The following PLA2G7 variants were observed in gnomAD, a reference collection of about 807,000 sequenced individuals.
The protein encoded by PLA2G7 is phospholipase A2 group VII, also known as platelet-activating factor acetylhydrolase.
PLA2G7 carries 63 observed loss-of-function variants against 49.6 expected under a neutral mutation model. That is an observed-to-expected ratio of 1.27 (90% CI 1.04 to 1.57). The LOEUF (loss-of-function observed/expected upper bound fraction) is 1.57. Ranked by LOEUF, PLA2G7 falls within the 40% of genes most tolerant of loss-of-function variation. The pLI, the probability that PLA2G7 is intolerant of heterozygous loss-of-function variation, is 0.00. For missense variants in PLA2G7, 596 were observed against 521.2 expected (o/e 1.14, Z -1.40); for synonymous variants, 193 against 169.9 (o/e 1.14, Z -1.06).
Position 46,720,313 on chromosome 6 carries a change from A to C in PLA2G7, c.109+2470T>G, listed in dbSNP as rs45628339. 2.7e-3 allele frequency among the ~76,000 whole-genome samples: 417 copies of C among 152,330 alleles called. 1 individual carries two copies. Among genetic ancestry groups the C allele is most frequent in the African/African-American group, 9.2e-3 (382 of 41,572 alleles). On this transcript the variant is annotated intron_variant, in intron 2 of 11. Coordinates refer to ENST00000274793, the MANE Select transcript of PLA2G7 (RefSeq NM_005084.4). ...TTGTGAGATCTCAATTCCAAAGGAC[A>C]GGGGAACATTTTCCAATAAGTTAGG...
chr6:46,731,659 A>G (rs1236909851), intron 1 of PLA2G7, among the ~76,000 whole-genome samples: 1 of 152,356 alleles, frequency 6.6e-6, no homozygotes, highest in East Asian at 1.9e-4. Flanking sequence ...ATAATATAAT[A>G]AGACATCAAA....
At chr6:46,729,602 A>G (rs935163489) in intron 1 of PLA2G7, among the ~76,000 whole-genome samples, 2 of 152,216 alleles carry the variant, frequency 1.3e-5, no homozygotes, top group South Asian at 2.1e-4. Flanking sequence ...CCAAGTTCAC[A>G]AGGATAGGAA....
intron 1 of PLA2G7, among the ~76,000 whole-genome samples, chr6:46,732,861 G>C (rs1449009585): frequency 6.6e-6 from 1 of 152,144 alleles, no homozygotes; most frequent in African/African-American, 2.4e-5. Flanking sequence ...TACAATTTTA[G>C]AACTGAATGT....
Position 46,722,917 on chromosome 6 carries a change from C to G in PLA2G7, c.-26G>C. On this transcript the variant is annotated 5_prime_UTR_variant, in exon 2 of 12. Coordinates refer to ENST00000274793, the MANE Select transcript of PLA2G7 (RefSeq NM_005084.4). ...CTTGGGAGCTGAGCAGCAGTTTCAGCTTAGTCTCCTTCGAAGCAGATGATT... is the reference window on the plus strand; with the variant it reads ...CTTGGGAGCTGAGCAGCAGTTTCAGGTTAGTCTCCTTCGAAGCAGATGATT... 1 of 1,306,564 alleles carries G rather than the reference C, an allele frequency of 7.7e-7. No individual in the cohort carries two copies. The highest frequency in any genetic ancestry group is 1.1e-6 in the Non-Finnish European group (1 of 900,976). 80.9% of individuals were successfully genotyped at this position (1,306,564 alleles called of 1,614,324 possible). A position where few individuals can be genotyped will look rare whatever the true frequency, so the allele number is the denominator to read the frequency against.
At position 46,715,132 on chromosome 6, in the gene PLA2G7, T is replaced by A. The variant is rs1305403199; in HGVS notation, c.377-579A>T. Among the ~76,000 whole-genome samples, 4 of 152,314 alleles carry A rather than the reference T, an allele frequency of 2.6e-5. No individual in the cohort carries two copies. The South Asian group carries it at 8.3e-4, about 32-fold the overall frequency. On this transcript the variant is annotated intron_variant, in intron 4 of 11. Transcript: ENST00000274793. Reference sequence around the variant, plus strand: ...ATTTTCCCACTTATAGGTGTATTCATAAAGGCTGCTACTTACTGCCATTCC... The same window carrying A: ...ATTTTCCCACTTATAGGTGTATTCAAAAAGGCTGCTACTTACTGCCATTCC...
At chr6:46,710,212 T>A (rs1430448839) in intron 8 of PLA2G7, among the ~76,000 whole-genome samples, 1 of 152,168 alleles carries the variant, frequency 6.6e-6, no homozygotes, top group South Asian at 2.1e-4. Context: ...CCCAAACTTG[T>A]GTCAAGTTTT....
At position 46,716,421 on chromosome 6, in the gene PLA2G7, T is replaced by C; in HGVS notation, c.339A>G (p.Thr113=). Reference sequence around the variant, plus strand: ...TCAAAATGTTGCCCATAAGCCAGTGTGTTCCAAGAAATTTGCTAAGACCCC... The same window carrying C: ...TCAAAATGTTGCCCATAAGCCAGTGCGTTCCAAGAAATTTGCTAAGACCCC... ...YFWGLSKFLG[T]HWLMGNILRL... Residue 113 remains threonine (T), a synonymous_variant, in exon 4 of 12, where the codon ACA becomes ACG. Transcript: ENST00000274793. The C allele has an allele frequency of 6.2e-7, 1 of 1,614,134 alleles. No individual in the cohort carries two copies. Among genetic ancestry groups the C allele is most frequent in the Non-Finnish European group, 8.5e-7 (1 of 1,179,988 alleles).
intron 1 of PLA2G7, among the ~76,000 whole-genome samples, chr6:46,726,190 G>A (rs1298779270): frequency 2.0e-5 from 3 of 152,120 alleles, no homozygotes; most frequent in South Asian, 4.1e-4. Context: ...TCCTGCCTTG[G>A]GCAGGTGAAA....
chr6:46,704,368 G>T lies in PLA2G7; in HGVS notation c.*192C>A. The T allele has an allele frequency of 3.4e-6, 2 of 580,114 alleles. No individual in the cohort carries two copies. The allele number at this position is 580,114 out of a possible 1,614,324, so 35.9% of individuals were successfully genotyped here. On this transcript the variant is annotated 3_prime_UTR_variant, in exon 12 of 12. Transcript: ENST00000274793. ...TACATCTAAAGGGAAAAAATTCTTA[G>T]TCCAAGCTTCAATCACGATTACAGT...
At chr6:46,708,746 A>G (rs931454582) in intron 9 of PLA2G7, among the ~76,000 whole-genome samples, 3 of 152,166 alleles carry the variant, frequency 2.0e-5, no homozygotes, top group Admixed American at 1.3e-4. Flanking sequence ...TTACACTGAA[A>G]TGGACTTTTA....
At chr6:46,716,583 C>A in intron 3 of PLA2G7, 55 bp from the exon 4 acceptor site, 1 of 1,578,336 alleles carries the variant, frequency 6.3e-7, no homozygotes, top group Non-Finnish European at 8.7e-7. Flanking sequence ...AAACATATTC[C>A]AGCAGCTATT....
intron 6 of PLA2G7, 120 bp downstream of exon 6, chr6:46,712,149 A>G: frequency 1.4e-6 from 1 of 716,384 alleles, no homozygotes; most frequent in Non-Finnish European, 2.5e-6. Context: ...TCATGATGTT[A>G]CCATACTTGA....
At chr6:46,725,155 C>T (rs1765530061) in intron 1 of PLA2G7, among the ~76,000 whole-genome samples, 1 of 152,132 alleles carries the variant, frequency 6.6e-6, no homozygotes, top group South Asian at 2.1e-4. Context: ...AGAGATGGGG[C>T]TTTCGTGTAA....
chr6:46,717,251 G>A (rs968186993), intron 2 of PLA2G7, among the ~76,000 whole-genome samples, 155 bp from the exon 3 acceptor site: 2 of 152,176 alleles, frequency 1.3e-5, no homozygotes, highest in African/African-American at 4.8e-5. Flanking sequence ...TTGAGGGTCT[G>A]CTCTGTTTGA....
chr6:46,714,625 T>C, intron 4 of PLA2G7, 72 bp from the exon 5 acceptor site: 1 of 892,676 alleles, frequency 1.1e-6, no homozygotes. Flanking sequence ...CATATCTCAT[T>C]AGCATAAAAT....
At chr6:46,719,318 C>T (rs1478841048) in intron 2 of PLA2G7, among the ~76,000 whole-genome samples, 5 of 152,188 alleles carry the variant, frequency 3.3e-5, no homozygotes, top group Non-Finnish European at 7.3e-5. Flanking sequence ...GAAACACCTG[C>T]CCATGATGAA....
chr6:46,718,815 C>T (rs1765300245), intron 2 of PLA2G7, among the ~76,000 whole-genome samples: 2 of 152,222 alleles, frequency 1.3e-5, no homozygotes, highest in South Asian at 2.1e-4. Context: ...GCATGCTACA[C>T]TAGGCTCTTT....
At chr6:46,713,047 T>C (rs987716246) in intron 5 of PLA2G7, among the ~76,000 whole-genome samples, 1 of 152,234 alleles carries the variant, frequency 6.6e-6, no homozygotes, top group Admixed American at 6.5e-5. Context: ...ATTGAATTAA[T>C]ACATTTTCAG....
At chr6:46,720,134 G>T (rs1765348379) in intron 2 of PLA2G7, among the ~76,000 whole-genome samples, 1 of 152,318 alleles carries the variant, frequency 6.6e-6, no homozygotes, top group East Asian at 1.9e-4. Flanking sequence ...GGCAGGCATG[G>T]TGTGCCTGTG....
Sources: gnomAD v4.1 joint callset for allele counts (sites outside exome capture counted in the v4.1 genomes callset) on GRCh38, gnomAD v4.1.1 for gene constraint, MANE v1.5 for transcripts, NCBI Gene and HGNC (gene_info 2026-07-23, HGNC 2026-07-21) for gene names.